TUBGCP5: variants seen among roughly 807,000 people sequenced by gnomAD.
TUBGCP5 encodes tubulin gamma complex component 5, also known as gamma-tubulin complex component 5.
In TUBGCP5, 98 loss-of-function variants were observed where a neutral mutation model predicts 134.7. The observed-to-expected ratio is 0.73, with a 90% CI of 0.62 to 0.86. TUBGCP5 has a LOEUF of 0.86. TUBGCP5 is among the 40% of genes least tolerant of loss of function. The pLI is 0.00. For synonymous variants in TUBGCP5, 456 were observed against 431.4 expected, an observed-to-expected ratio of 1.06 and a Z score of -0.71; for missense variants, 1,150 against 1,244.8, an observed-to-expected ratio of 0.92 and a Z score of 1.15.
intron 11 of TUBGCP5, among the ~76,000 whole-genome samples, chr15:23,020,147 G>T (rs1347902903): frequency 6.6e-6 from 1 of 152,046 alleles, no homozygotes; most frequent in East Asian, 1.9e-4. Context: ...GGTGGCTCAT[G>T]CCTGTAATCC....
chr15:22,990,673 G>A (rs1333476458), intron 23 of TUBGCP5, among the ~76,000 whole-genome samples: 1 of 152,174 alleles, frequency 6.6e-6, no homozygotes, highest in Non-Finnish European at 1.5e-5. Context: ...GAGCCACCCA[G>A]TCTATGCTGC....
In TUBGCP5 at chr15:23,003,019, A is replaced by G. The variant is rs764589055; in HGVS notation, c.2927+46T>C. On this transcript the variant is annotated intron_variant, in intron 21 of 22. Transcript: ENST00000615383. ...TGTCTCTAAAAAAAAGGGAAGCTGA[A>G]GCTGAAATGGTCACAGTGCAGATGC... 153 of 1,592,480 alleles carry G rather than the reference A, an allele frequency of 9.6e-5. 1 individual carries two copies. In the Middle Eastern group the frequency reaches 1.2e-3, roughly 12 times the overall value.
downstream of TUBGCP5, among the ~76,000 whole-genome samples, chr15:22,998,853 A>C (rs577661990): frequency 1.3e-3 from 204 of 152,052 alleles, no homozygotes; most frequent in Middle Eastern, 0.01. Context: ...CTGACCTCAG[A>C]TGATCCGCCC....
intron 6 of TUBGCP5, among the ~76,000 whole-genome samples, 153 bp downstream of exon 6, chr15:23,030,732 T>G (rs905711070): frequency 1.3e-5 from 2 of 152,096 alleles, no homozygotes; most frequent in African/African-American, 4.8e-5. Context: ...TTAAGCATCA[T>G]AGAAAACATT....
intron 22 of TUBGCP5, 42 bp from the exon 23 acceptor site, chr15:22,999,908 A>G: frequency 6.2e-7 from 1 of 1,602,188 alleles, no homozygotes; most frequent in Non-Finnish European, 8.5e-7. Context: ...ATAGGTTTAA[A>G]TGTTGAAAAA....
intron 7 of TUBGCP5, 102 bp downstream of exon 7, chr15:23,027,090 G>A (rs2066023898): frequency 6.6e-6 from 6 of 911,950 alleles, no homozygotes; most frequent in African/African-American, 3.4e-5. Context: ...ACAAAAACAA[G>A]TTTAAATTTC....
chr15:23,026,459 G>A (rs1411703308), intron 7 of TUBGCP5, among the ~76,000 whole-genome samples: 1 of 151,962 alleles, frequency 6.6e-6, no homozygotes, highest in Non-Finnish European at 1.5e-5. Flanking sequence ...TTGTTTTCTG[G>A]AAAACAAGAT....
At chr15:22,993,659 C>A (rs1567083471) in intron 23 of TUBGCP5, among the ~76,000 whole-genome samples, 2 of 149,842 alleles carry the variant, frequency 1.3e-5, no homozygotes, top group African/African-American at 4.9e-5. Flanking sequence ...GTTCTCCTGT[C>A]TCAGCCTCCT....
intron 5 of TUBGCP5, 145 bp downstream of exon 5, chr15:23,031,805 T>C (rs530202696): frequency 5.9e-6 from 3 of 505,230 alleles, no homozygotes; most frequent in Non-Finnish European, 1.0e-5. Context: ...GAAATCCTAA[T>C]CAGTCTTCCA....
intron 21 of TUBGCP5, among the ~76,000 whole-genome samples, chr15:23,001,655 T>TTC (rs549857220): frequency 0.038 from 5,078 of 133,214 alleles, 224 homozygotes; most frequent in African/African-American, 0.14. Context: ...CTTTCTTTCT[T>TTC]TTTTTTTTTT....
At chr15:22,988,879 A>G (rs1567076934) in intron 23 of TUBGCP5, among the ~76,000 whole-genome samples, 1 of 152,014 alleles carries the variant, frequency 6.6e-6, no homozygotes, top group African/African-American at 2.4e-5. Flanking sequence ...CGATTCAGGC[A>G]TGCACCACCA....
chr15:22,996,789 A>C (rs866952311), downstream of TUBGCP5: 4 of 152,236 alleles, frequency 2.6e-5, no homozygotes, highest in Non-Finnish European at 4.4e-5. Context: ...CACCTGGCTG[A>C]AAACCCAACT....
downstream of TUBGCP5, among the ~76,000 whole-genome samples, chr15:22,994,309 T>TG (rs1183878816): frequency 2.6e-5 from 4 of 151,614 alleles, no homozygotes; most frequent in Non-Finnish European, 1.5e-5. Context: ...AGGTTGGTCT[T>TG]GAACTCGTGA....
chr15:23,003,171 A>T lies in TUBGCP5; in HGVS notation c.2839-18T>A. 2.5e-6 allele frequency: 4 copies of T among 1,612,548 alleles called. No homozygotes were observed. Among genetic ancestry groups the T allele is most frequent in the Non-Finnish European group, 2.5e-6 (3 of 1,178,544 alleles). On this transcript the variant is annotated intron_variant, in intron 20 of 22. Coordinates refer to ENST00000615383, the MANE Select transcript of TUBGCP5 (RefSeq NM_052903.6). The stretch of plus-strand genomic sequence containing the variant: ...AAGCTGACCTGCAGACCAAAGTCAC[A>T]GAACACAAACTGTGTAACTAGGTTT...
downstream of TUBGCP5, among the ~76,000 whole-genome samples, chr15:22,997,130 A>C (rs1489064551): frequency 6.6e-6 from 1 of 151,974 alleles, no homozygotes. Context: ...GGCCTGTATT[A>C]CCATTTTCCT....
At chr15:23,035,503 A>C (rs1026980368) in intron 3 of TUBGCP5, among the ~76,000 whole-genome samples, 2 of 152,046 alleles carry the variant, frequency 1.3e-5, no homozygotes, top group African/African-American at 4.8e-5. Flanking sequence ...TTAGATTGTC[A>C]TAAGGAGCAT....
At chr15:23,033,400 TC>T (rs2066421338) in intron 3 of TUBGCP5, among the ~76,000 whole-genome samples, 1 of 152,074 alleles carries the variant, frequency 6.6e-6, no homozygotes, top group South Asian at 2.1e-4. Context: ...TGTCTCAGCC[TC>T]CCGAGTAGCT....
intron 7 of TUBGCP5, 95 bp from the exon 8 acceptor site, chr15:23,026,300 T>A: frequency 9.2e-7 from 1 of 1,082,788 alleles, no homozygotes; most frequent in Non-Finnish European, 1.4e-6. Flanking sequence ...CTAACTTAAG[T>A]AGCAATCAAC....
chr15:22,993,017 A>G (rs1386373430), intron 23 of TUBGCP5, among the ~76,000 whole-genome samples: 2 of 152,204 alleles, frequency 1.3e-5, no homozygotes, highest in Non-Finnish European at 2.9e-5. Flanking sequence ...TGATGCTAAA[A>G]TAAGAAAATG....
Sources: allele counts gnomAD v4.1 joint callset (sites outside exome capture counted in the v4.1 genomes callset), GRCh38; gene constraint gnomAD v4.1.1; transcripts MANE v1.5; gene names NCBI Gene and HGNC (gene_info 2026-07-23, HGNC 2026-07-21).